The following RICTOR variants were observed in gnomAD, a reference collection of about 807,000 sequenced individuals.
RICTOR encodes the protein RPTOR independent companion of MTOR complex 2, also known as rapamycin-insensitive companion of mTOR.
In RICTOR, 49 loss-of-function variants were observed where a neutral mutation model predicts 214.9. The observed-to-expected ratio is 0.23, with a 90% CI of 0.18 to 0.29. The LOEUF (loss-of-function observed/expected upper bound fraction) is 0.29, where lower values mean the gene tolerates loss of function less well. Ranked by LOEUF, RICTOR falls within the 10% of genes least tolerant of loss-of-function variation. RICTOR has a pLI of 1.00. For synonymous variants in RICTOR, 717 were observed against 711.3 expected, an observed-to-expected ratio of 1.01 and a Z score of -0.13; for missense variants, 1,625 against 2,047.0, an observed-to-expected ratio of 0.79 and a Z score of 3.98.
At chr5:38,958,137 T>A (rs1236909688) in intron 24 of RICTOR, among the ~76,000 whole-genome samples, 1 of 151,976 alleles carries the variant, frequency 6.6e-6, no homozygotes, top group African/African-American at 2.4e-5. Context: ...CTTGGGAGGC[T>A]GAGGCAGGAG....
At position 38,942,201 on chromosome 5, in the gene RICTOR, C is replaced by T. The variant is rs920070778; in HGVS notation, c.*103G>A. 1 of 645,322 alleles carries T rather than the reference C, an allele frequency of 1.5e-6. No homozygotes were observed. The highest frequency in any genetic ancestry group is 2.7e-6 in the Non-Finnish European group (1 of 364,068). 40.0% of individuals were successfully genotyped at this position (645,322 alleles called of 1,614,324 possible). A position where few individuals can be genotyped will look rare whatever the true frequency, so the allele number is the denominator to read the frequency against. On this transcript the variant is annotated 3_prime_UTR_variant, in exon 38 of 38. Coordinates refer to ENST00000357387, the MANE Select transcript of RICTOR (RefSeq NM_152756.5). ...ACTGCGGAACAGTGTACAGAAGATA[C>T]TCCTGTCTTTGCTGCCTAGTCAGTC...
intron 2 of RICTOR, among the ~76,000 whole-genome samples, chr5:39,058,310 T>C (rs1263459828): frequency 6.6e-6 from 1 of 152,040 alleles, no homozygotes; most frequent in Non-Finnish European, 1.5e-5. Context: ...TAAAGGGTCA[T>C]CTGAAGAAAG....
chr5:38,995,308 C>T (rs1753096694), intron 6 of RICTOR, among the ~76,000 whole-genome samples: 1 of 152,116 alleles, frequency 6.6e-6, no homozygotes, highest in Admixed American at 6.6e-5. Context: ...CAAATTAACT[C>T]AGAAATGGAA....
intron 8 of RICTOR, among the ~76,000 whole-genome samples, chr5:38,978,975 T>C (rs1332619988): frequency 1.3e-5 from 2 of 152,198 alleles, no homozygotes; most frequent in Non-Finnish European, 2.9e-5. Context: ...AATCAGTATC[T>C]ATCCCAAGAT....
chr5:38,996,688 C>G (rs1358388280), intron 6 of RICTOR, 131 bp downstream of exon 6: 8 of 540,210 alleles, frequency 1.5e-5, no homozygotes, highest in Non-Finnish European at 2.6e-5. Flanking sequence ...TAATATAAAA[C>G]TTTAATAAAA....
At chr5:39,006,505 A>G (rs903994756) in intron 3 of RICTOR, among the ~76,000 whole-genome samples, 2 of 151,996 alleles carry the variant, frequency 1.3e-5, no homozygotes, top group Admixed American at 1.3e-4. Context: ...ATTCTTTCTC[A>G]GTATGAAGTT....
intron 11 of RICTOR, among the ~76,000 whole-genome samples, chr5:38,968,482 A>C (rs11750346): frequency 0.33 from 48,655 of 147,452 alleles, 8,799 homozygotes; most frequent in East Asian, 0.43. Context: ...AAAACAAAAC[A>C]AAAAAAAAAA....
At chr5:38,998,346 T>C (rs745753399) in intron 5 of RICTOR, among the ~76,000 whole-genome samples, 8 of 152,152 alleles carry the variant, frequency 5.3e-5, no homozygotes, top group Non-Finnish European at 1.2e-4. Context: ...CCACCATGCC[T>C]GGCTAATTTT....
rs575708384 is a variant in RICTOR, at chr5:38,993,591, C to T, written c.457-2516G>A. 5.9e-5 allele frequency among the ~76,000 whole-genome samples: 9 copies of T among 151,884 alleles called. No individual in the cohort carries two copies. In the South Asian group the frequency reaches 1.9e-3, roughly 31 times the overall value. On this transcript the variant is annotated intron_variant, in intron 6 of 37. Transcript: ENST00000357387. ...TTAATTATTCATAGTGTAAGTTATC[C>T]TAAAGCAAAAAATGTTTTTCCTTAT... is the stretch of plus-strand genomic sequence containing the variant.
intron 9 of RICTOR, among the ~76,000 whole-genome samples, chr5:38,977,512 C>G (rs1751334742): frequency 6.6e-6 from 1 of 151,150 alleles, no homozygotes; most frequent in African/African-American, 2.4e-5. Flanking sequence ...CTACTTTGAT[C>G]TCTTAGCTCA....
chr5:39,062,205 C>G, intron 2 of RICTOR, among the ~76,000 whole-genome samples: 1 of 152,174 alleles, frequency 6.6e-6, no homozygotes, highest in East Asian at 1.9e-4. Context: ...TAATTTTATA[C>G]TAATACCACA....
At chr5:39,021,968 T>G (rs892755262) in intron 2 of RICTOR, among the ~76,000 whole-genome samples, 7 of 152,176 alleles carry the variant, frequency 4.6e-5, no homozygotes, top group African/African-American at 1.7e-4. Flanking sequence ...TTAGACCTAA[T>G]TTTTCAACTT....
intron 5 of RICTOR, among the ~76,000 whole-genome samples, chr5:38,997,263 C>T (rs1324287817): frequency 6.6e-6 from 1 of 152,080 alleles, no homozygotes; most frequent in East Asian, 1.9e-4. Context: ...AGGCTGTTTT[C>T]ATTTAATTGC....
At chr5:39,005,203 A>T (rs1753958411) in intron 3 of RICTOR, among the ~76,000 whole-genome samples, 1 of 152,154 alleles carries the variant, frequency 6.6e-6, no homozygotes, top group Non-Finnish European at 1.5e-5. Flanking sequence ...AACTTCCTAA[A>T]TCTCTGGGTT....
At chr5:39,000,962 T>C (rs1312727127) in intron 5 of RICTOR, among the ~76,000 whole-genome samples, 1 of 152,038 alleles carries the variant, frequency 6.6e-6, no homozygotes, top group Non-Finnish European at 1.5e-5. Context: ...CTAAATACTG[T>C]TGACAGAAAT....
chr5:38,967,076 C>T, intron 14 of RICTOR, 85 bp downstream of exon 14: 3 of 1,049,832 alleles, frequency 2.9e-6, no homozygotes, highest in Non-Finnish European at 4.4e-6. Context: ...GTTGGGATTA[C>T]AGGCGTGAGT....
intron 2 of RICTOR, among the ~76,000 whole-genome samples, chr5:39,038,967 T>C (rs1283597365): frequency 6.6e-6 from 1 of 152,116 alleles, no homozygotes; most frequent in East Asian, 1.9e-4. Flanking sequence ...AAAAAACTAC[T>C]TTAAAGTTCA....
Position 38,941,454 on chromosome 5 carries a change from G to A in RICTOR, c.*850C>T. The A allele has an allele frequency of 4.3e-6, 1 of 231,768 alleles. No individual in the cohort carries two copies. The allele number at this position is 231,768 out of a possible 1,614,324, so 14.4% of individuals were successfully genotyped here. On this transcript the variant is annotated 3_prime_UTR_variant, in exon 38 of 38. Transcript: ENST00000357387. Reference sequence around the variant, plus strand: ...TATCCTTTAGGTCTAAACTAACAGTGCTTGTTCAAGTTCCTGTTTAAAGCG... The same window carrying A: ...TATCCTTTAGGTCTAAACTAACAGTACTTGTTCAAGTTCCTGTTTAAAGCG...
chr5:39,019,185 G>A (rs755425639), intron 3 of RICTOR, among the ~76,000 whole-genome samples: 3 of 152,098 alleles, frequency 2.0e-5, no homozygotes, highest in Non-Finnish European at 4.4e-5. Flanking sequence ...AACATAAAAT[G>A]GCAAGGTAAA....
Sources: allele counts gnomAD v4.1 joint callset (sites outside exome capture counted in the v4.1 genomes callset), GRCh38; gene constraint gnomAD v4.1.1; transcripts MANE v1.5; gene names NCBI Gene and HGNC (gene_info 2026-07-23, HGNC 2026-07-21).